PIH1D1: variants seen among roughly 807,000 people sequenced by gnomAD.
PIH1D1 encodes PIH1 domain-containing protein 1.
A neutral mutation model predicts 38.5 loss-of-function variants in PIH1D1; 28 were observed. The ratio of observed to expected loss-of-function variants is 0.73; its 90% confidence interval spans 0.54 to 1.00. The LOEUF (loss-of-function observed/expected upper bound fraction) is 1.00, where lower values mean the gene tolerates loss of function less well. Ranked by LOEUF, PIH1D1 falls within the 50% of genes least tolerant of loss-of-function variation. The pLI is 0.00. For synonymous variants in PIH1D1, 155 were observed against 153.5 expected (o/e 1.01, Z -0.07); for missense variants, 343 against 369.9 (o/e 0.93, Z 0.60).
At chr19:49,451,361 C>T in intron 1 of PIH1D1, 124 bp downstream of exon 1, 2 of 1,387,260 alleles carry the variant, frequency 1.4e-6, no homozygotes, top group Non-Finnish European at 1.0e-6. Flanking sequence ...ACTTGAAGCC[C>T]ATTAACCTCA....
Position 49,447,818 on chromosome 19 carries a change from G to GC in PIH1D1, c.481+8dup, listed in dbSNP as rs1279890959. 6.2e-7 allele frequency: 1 copy of GC among 1,613,442 alleles called. No homozygotes were observed. Among genetic ancestry groups the GC allele is most frequent in the Non-Finnish European group, 8.5e-7 (1 of 1,179,338 alleles). On this transcript the variant is annotated intron_variant, in intron 5 of 8. Coordinates refer to ENST00000262265, the MANE Select transcript of PIH1D1 (RefSeq NM_017916.3). ...ACTCTTTCCCGAGGGCCCAGGACCT[G>GC]CCCCTCACCCGGATTCAGCTGCAAG...
At position 49,449,591 on chromosome 19, in the gene PIH1D1, G is replaced by T; in HGVS notation, c.221C>A (p.Ser74Tyr). 1 of 1,614,188 alleles carries T rather than the reference G, an allele frequency of 6.2e-7. No homozygotes were observed. Among genetic ancestry groups the T allele is most frequent in the Non-Finnish European group, 8.5e-7 (1 of 1,180,030 alleles). The change falls in exon 3 of 9, where the codon TCT becomes TAT. Residue 74 changes from serine (S) to tyrosine (Y), a missense_variant. By Grantham distance (144) the Ser-to-Tyr change is moderately radical (BLOSUM62 -2). Coordinates refer to ENST00000262265, the MANE Select transcript of PIH1D1 (RefSeq NM_017916.3). The stretch of plus-strand genomic sequence containing the variant: ...GGTCACGTCGGCGGGAGGAGGGATA[G>T]AGGGGGAGTGGCAGATGTTGATGAA... The part of the protein sequence containing the change: ...KVFINICHSP[S>Y]IPPPADVTEE...
Position 49,446,967 on chromosome 19 carries a change from AGTCCCT to A in PIH1D1, c.687+51_687+56del, listed in dbSNP as rs2079027207. The A allele has an allele frequency of 5.0e-6, 7 of 1,411,768 alleles. No individual in the cohort carries two copies. The South Asian group carries it at 8.1e-5, about 16-fold the overall frequency. The allele number at this position is 1,411,768 out of a possible 1,614,324, so 87.5% of individuals were successfully genotyped here. A position where few individuals can be genotyped will look rare whatever the true frequency, so the allele number is the denominator to read the frequency against. ...CCCCTTGTCACTCACACTCAGAGAC[AGTCCCT>A]GACCTTTCCAGACCTCATTCCCCTG... On this transcript the variant is annotated intron_variant, in intron 7 of 8. Coordinates refer to ENST00000262265, the MANE Select transcript of PIH1D1 (RefSeq NM_017916.3).
At chr19:49,448,245 CTT>C (rs1160190634) in intron 3 of PIH1D1, 183 bp from the exon 4 acceptor site, 2 of 622,608 alleles carry the variant, frequency 3.2e-6, no homozygotes, top group African/African-American at 3.7e-5. Flanking sequence ...TCCCTGGCCT[CTT>C]ATCTCCTGTC....
At chr19:49,448,477 C>T (rs920336448) in intron 3 of PIH1D1, 31 of 248,834 alleles carry the variant, frequency 1.2e-4, no homozygotes, top group African/African-American at 6.1e-4. Context: ...TGATCCAATC[C>T]AATCATTCTC....
intron 6 of PIH1D1, 59 bp downstream of exon 6, chr19:49,447,279 G>A (rs1568640052): frequency 1.9e-6 from 3 of 1,601,000 alleles, no homozygotes; most frequent in East Asian, 2.2e-5. Flanking sequence ...GGAGGATGGA[G>A]GGAGGGATTC....
chr19:49,448,723 G>A (rs2079039828), intron 3 of PIH1D1: 1 of 165,286 alleles, frequency 6.1e-6, no homozygotes, highest in Admixed American at 5.6e-5. Flanking sequence ...CGAGTTTCTG[G>A]AACGTGGAAT....
Position 49,447,152 on chromosome 19 carries a change from C to T in PIH1D1, c.612-53G>A, listed in dbSNP as rs374516677. Reference sequence around the variant, plus strand: ...GCACAGCTGCCAGGTCTTTGCCTGGCGTGCTGTCCCTTTTCTCCCTCCAAC... The same window carrying T: ...GCACAGCTGCCAGGTCTTTGCCTGGTGTGCTGTCCCTTTTCTCCCTCCAAC... On this transcript the variant is annotated intron_variant, in intron 6 of 8. Transcript: ENST00000262265. The T allele has an allele frequency of 1.4e-5, 21 of 1,531,482 alleles. No homozygotes were observed. The African/African-American group carries it at 1.8e-4, about 13-fold the overall frequency. The allele number at this position is 1,531,482 out of a possible 1,614,324, so 94.9% of individuals were successfully genotyped here.
Position 49,446,432 on chromosome 19 carries a change from A to T in PIH1D1, c.832-9T>A. 9.3e-7 allele frequency: 1 copy of T among 1,073,908 alleles called. No homozygotes were observed. 66.5% of individuals were successfully genotyped at this position (1,073,908 alleles called of 1,614,324 possible). ...ATGGCCACCATTAATTGCTGAGGAGACAGAGCAAAGAGAATGAGGATCCAG... is the reference window on the plus strand; with the variant it reads ...ATGGCCACCATTAATTGCTGAGGAGTCAGAGCAAAGAGAATGAGGATCCAG... On this transcript the variant is annotated splice_polypyrimidine_tract_variant and intron_variant, in intron 8 of 8. Coordinates refer to ENST00000262265, the MANE Select transcript of PIH1D1 (RefSeq NM_017916.3).
At chr19:49,449,725 CTCTG>C in intron 2 of PIH1D1, 71 bp from the exon 3 acceptor site, 1 of 1,327,858 alleles carries the variant, frequency 7.5e-7, no homozygotes, top group Non-Finnish European at 1.0e-6. Context: ...TGTCTCCAGG[CTCTG>C]TCTCTTTTCC....
In PIH1D1 at chr19:49,446,562, G is replaced by A. The variant is rs746667564; in HGVS notation, c.820C>T (p.Arg274Trp). The change falls in exon 8 of 9, where the codon CGG becomes TGG. Residue 274 changes from arginine to tryptophan, a missense_variant. By Grantham distance (101) the Arg-to-Trp change is moderately radical. Transcript: ENST00000262265. ...CCTCCCCCAGGCACCTTTCTCTTCCGGTGGAAGGCTGCCTTGCTCTCATGA... is the reference window on the plus strand; with the variant it reads ...CCTCCCCCAGGCACCTTTCTCTTCCAGTGGAAGGCTGCCTTGCTCTCATGA... ...NSHESKAAFHRKRKQLMVAMP... is the reference protein window; with the variant it reads ...NSHESKAAFHWKRKQLMVAMP... 5 of 1,613,616 alleles carry A rather than the reference G, an allele frequency of 3.1e-6. No homozygotes were observed. Among genetic ancestry groups the A allele is most frequent in the South Asian group, 2.2e-5 (2 of 91,062 alleles).
chr19:49,450,697 C>CCCTTTTT, intron 2 of PIH1D1, 85 bp downstream of exon 2: 2 of 898,886 alleles, frequency 2.2e-6, no homozygotes, highest in Non-Finnish European at 3.3e-6. Flanking sequence ...CACCCTAGGC[C>CCCTTTTT]TTTATTTTCG....
chr19:49,447,546 T>G, intron 5 of PIH1D1, 79 bp from the exon 6 acceptor site: 2 of 1,538,290 alleles, frequency 1.3e-6, no homozygotes, highest in East Asian at 4.5e-5. Flanking sequence ...CGGGATAGGC[T>G]CCACCGGCTC....
At chr19:49,448,435 T>A (rs1323017072) in intron 3 of PIH1D1, 7 of 300,296 alleles carry the variant, frequency 2.3e-5, no homozygotes, top group African/African-American at 4.3e-5. Context: ...CTCGGCCCAC[T>A]GAATTTCTTT....
intron 3 of PIH1D1, chr19:49,449,118 G>A: frequency 8.2e-6 from 3 of 367,600 alleles, no homozygotes; most frequent in Non-Finnish European, 1.1e-5. Context: ...TCTGAACCTG[G>A]GCAACAAGAG....
At chr19:49,447,219 T>C in intron 6 of PIH1D1, 119 bp downstream of exon 6, 1 of 1,505,904 alleles carries the variant, frequency 6.6e-7, no homozygotes, top group South Asian at 1.2e-5. Flanking sequence ...TCAGGAGTTC[T>C]CTCTCCTCCC....
At chr19:49,446,960 CAG>C in intron 7 of PIH1D1, 62 bp downstream of exon 7, 1 of 1,384,044 alleles carries the variant, frequency 7.2e-7, no homozygotes, top group Non-Finnish European at 1.0e-6. Flanking sequence ...CACTCACACT[CAG>C]AGACAGTCCC....
chr19:49,449,955 C>A lies in PIH1D1; in HGVS notation c.158-301G>T, dbSNP rs557517758. The stretch of plus-strand genomic sequence containing the variant: ...GATTATAGGCGCCCACCACCACGCC[C>A]GGCTAATTTTCGTATTTTTAGTAGA... On this transcript the variant is annotated intron_variant, in intron 2 of 8. Coordinates refer to ENST00000262265, the MANE Select transcript of PIH1D1 (RefSeq NM_017916.3). Among the ~76,000 whole-genome samples, 5 of 152,076 alleles carry A rather than the reference C, an allele frequency of 3.3e-5. No homozygotes were observed. The East Asian group carries it at 9.7e-4, about 29-fold the overall frequency.
chr19:49,449,683 C>A (rs2079046190), intron 2 of PIH1D1, 29 bp from the exon 3 acceptor site: 4 of 1,587,050 alleles, frequency 2.5e-6, no homozygotes, highest in Non-Finnish European at 3.4e-6. Context: ...TCATGACAAT[C>A]CTTTTCTGCA....
Sources: gnomAD v4.1 joint callset for allele counts (sites outside exome capture counted in the v4.1 genomes callset) on GRCh38, gnomAD v4.1.1 for gene constraint, MANE v1.5 for transcripts, NCBI Gene and HGNC (gene_info 2026-07-23, HGNC 2026-07-21) for gene names.